The following KIAA1671 variants were observed in gnomAD, a reference collection of about 807,000 sequenced individuals.
The protein encoded by KIAA1671 is uncharacterized protein KIAA1671.
A neutral mutation model predicts 131.2 loss-of-function variants in KIAA1671; 52 were observed. That is an observed-to-expected ratio of 0.40 (90% confidence interval 0.32 to 0.50). The LOEUF (loss-of-function observed/expected upper bound fraction) is 0.50. Among genes scored for constraint, KIAA1671 ranks in the 20% least tolerant of loss-of-function variants. KIAA1671 has a pLI of 0.73. For missense variants in KIAA1671, 2,360 were observed against 2,364.2 expected, an observed-to-expected ratio of 1.00 and a Z score of 0.04; for synonymous variants, 1,003 against 961.6, an observed-to-expected ratio of 1.04 and a Z score of -0.80.
chr22:25,075,348 AC>A (rs1290695897), intron 6 of KIAA1671, among the ~76,000 whole-genome samples: 1 of 151,966 alleles, frequency 6.6e-6, no homozygotes, highest in Non-Finnish European at 1.5e-5. Context: ...AGGCTGAGAA[AC>A]CTTGTCTTAT....
At chr22:25,136,622 A>G (rs901836586) in intron 6 of KIAA1671, among the ~76,000 whole-genome samples, 1 of 152,132 alleles carries the variant, frequency 6.6e-6, no homozygotes, top group Non-Finnish European at 1.5e-5. Flanking sequence ...TACCACAGGG[A>G]CGTGGTCTCC....
At chr22:25,115,022 G>A (rs1001770687) in intron 6 of KIAA1671, among the ~76,000 whole-genome samples, 4 of 152,300 alleles carry the variant, frequency 2.6e-5, no homozygotes, top group East Asian at 3.9e-4. Context: ...CCTCAAAGGC[G>A]TGCCCTGAAA....
intron 1 of KIAA1671, among the ~76,000 whole-genome samples, chr22:25,004,984 C>T (rs769666174): frequency 6.6e-6 from 1 of 151,218 alleles, no homozygotes; most frequent in African/African-American, 2.4e-5. Flanking sequence ...TGATTGTACT[C>T]ATTAAAACTC....
At chr22:25,089,417 G>A (rs1033370797) in intron 6 of KIAA1671, among the ~76,000 whole-genome samples, 1 of 151,804 alleles carries the variant, frequency 6.6e-6, no homozygotes, top group African/African-American at 2.4e-5. Flanking sequence ...TGGGATTATA[G>A]GCACTCACCT....
chr22:25,105,054 C>T (rs1277847446), intron 6 of KIAA1671, among the ~76,000 whole-genome samples: 5 of 151,530 alleles, frequency 3.3e-5, no homozygotes, highest in Non-Finnish European at 7.4e-5. Flanking sequence ...GACTGAGTCT[C>T]GCTCTGTTGC....
intron 6 of KIAA1671, among the ~76,000 whole-genome samples, chr22:25,084,080 C>G (rs1391259241): frequency 6.6e-6 from 1 of 152,232 alleles, no homozygotes; most frequent in Admixed American, 6.5e-5. Flanking sequence ...AGTCTCCCAG[C>G]CTAACTGATG....
chr22:24,989,878 G>C (rs912060938), intron 1 of KIAA1671, among the ~76,000 whole-genome samples: 2 of 152,086 alleles, frequency 1.3e-5, no homozygotes, highest in Admixed American at 1.3e-4. Flanking sequence ...AACAAAAAAA[G>C]GCTGTCCTCT....
rs1255617811 is a variant in KIAA1671 at position 25,064,042 on chromosome 22, TTTTGTTTGTTTGTTTTTTGTG to T, written c.4530+14698_4530+14718del. 5 of 151,814 alleles carry T rather than the reference TTTTGTTTGTTTGTTTTTTGTG, an allele frequency of 3.3e-5. No individual in the cohort carries two copies. The East Asian group carries it at 7.7e-4, about 23-fold the overall frequency. The allele number at this position is 151,814 out of a possible 1,614,324, so 9.4% of individuals were successfully genotyped here. A position where few individuals can be genotyped will look rare whatever the true frequency, so the allele number is the denominator to read the frequency against. ...TCACAGCTAAGATTTTTTTTGTTTGTTTTGTTTGTTTGTTTTTTGTGTTTGTTTGTTTGTTTTTTGAGATGG... is the reference window on the plus strand; with the variant it reads ...TCACAGCTAAGATTTTTTTTGTTTGTTTTGTTTGTTTGTTTTTTGAGATGG... On this transcript the variant is annotated intron_variant, in intron 6 of 12. Coordinates refer to ENST00000358431, the MANE Select transcript of KIAA1671 (RefSeq NM_001145206.2).
At chr22:25,023,969 C>T (rs1363253337) in intron 1 of KIAA1671, 1 of 151,724 alleles carries the variant, frequency 6.6e-6, no homozygotes, top group Admixed American at 6.6e-5. Context: ...CCAAAAAACT[C>T]CTTTTACTTT....
chr22:25,178,862 C>T (rs1934146462), intron 9 of KIAA1671, among the ~76,000 whole-genome samples: 2 of 152,226 alleles, frequency 1.3e-5, no homozygotes, highest in Admixed American at 6.5e-5. Context: ...TTGCCCCTCC[C>T]TCATGGGGAG....
At chr22:24,985,139 A>G (rs1923453259) in intron 1 of KIAA1671, among the ~76,000 whole-genome samples, 1 of 151,968 alleles carries the variant, frequency 6.6e-6, no homozygotes, top group South Asian at 2.1e-4. Flanking sequence ...GTAAAAATAT[A>G]TCTCTATTCA....
At chr22:25,160,493 C>T (rs1423985734) in intron 6 of KIAA1671, among the ~76,000 whole-genome samples, 1 of 152,196 alleles carries the variant, frequency 6.6e-6, no homozygotes, top group Non-Finnish European at 1.5e-5. Context: ...CTTGCTGCTT[C>T]TCTATCTGCC....
At chr22:25,117,404 T>C (rs1392122526) in intron 6 of KIAA1671, among the ~76,000 whole-genome samples, 2 of 152,108 alleles carry the variant, frequency 1.3e-5, no homozygotes, top group South Asian at 2.1e-4. Flanking sequence ...CCATCCAGCA[T>C]GTGTCGGCCT....
At chr22:25,185,268 C>T (rs1478851567) in intron 11 of KIAA1671, 149 bp downstream of exon 11, 1 of 893,588 alleles carries the variant, frequency 1.1e-6, no homozygotes, top group East Asian at 2.8e-5. Flanking sequence ...CATGAGAATT[C>T]TCAATACTCA....
chr22:25,078,560 G>A (rs1040663694), intron 6 of KIAA1671, among the ~76,000 whole-genome samples: 2 of 152,104 alleles, frequency 1.3e-5, no homozygotes, highest in Non-Finnish European at 2.9e-5. Flanking sequence ...ATAGATGTGG[G>A]CTGATGGACC....
chr22:25,138,957 C>G (rs1357416100), intron 6 of KIAA1671, among the ~76,000 whole-genome samples: 1 of 152,180 alleles, frequency 6.6e-6, no homozygotes, highest in Non-Finnish European at 1.5e-5. Flanking sequence ...ATCCCACCCC[C>G]TTCCTGGTCT....
chr22:25,039,957 A>C lies in KIAA1671; in HGVS notation c.2827A>C (p.Arg943=). ...GCGGAAAGCCGGCGCCATGGACCAGAGAATGGACAGATGGCGGCGGCGGAC... is the reference window on the plus strand; with the variant it reads ...GCGGAAAGCCGGCGCCATGGACCAGCGAATGGACAGATGGCGGCGGCGGAC... The part of the protein sequence containing the change: ...RMRKAGAMDQ[R]MDRWRRRTLP... Residue 943 remains arginine, a synonymous_variant, in exon 5 of 13, where the codon AGA becomes CGA. Transcript: ENST00000358431. 2 of 1,551,388 alleles carry C rather than the reference A, an allele frequency of 1.3e-6. No individual in the cohort carries two copies. The highest frequency in any genetic ancestry group is 1.7e-6 in the Non-Finnish European group (2 of 1,146,844).
At chr22:25,112,282 C>G (rs1374348915) in intron 6 of KIAA1671, 1 of 398,882 alleles carries the variant, frequency 2.5e-6, no homozygotes, top group Non-Finnish European at 4.4e-6. Context: ...TGGTGACCAC[C>G]ACGGTGGGCC....
intron 6 of KIAA1671, chr22:25,054,033 C>CAAAAAA (rs56317002): frequency 4.2e-5 from 5 of 118,480 alleles, no homozygotes; most frequent in Non-Finnish European, 6.9e-5. Context: ...TACTAAAATA[C>CAAAAAA]AAAAAAAAAA....
Sources: gnomAD v4.1 joint callset for allele counts (sites outside exome capture counted in the v4.1 genomes callset) on GRCh38, gnomAD v4.1.1 for gene constraint, MANE v1.5 for transcripts, NCBI Gene and HGNC (gene_info 2026-07-23, HGNC 2026-07-21) for gene names.